FAM161A: variants seen among roughly 807,000 people sequenced by gnomAD.
FAM161A encodes FAM161 centrosomal protein A.
FAM161A carries 57 observed loss-of-function variants against 70.9 expected under a neutral mutation model. The observed-to-expected ratio is 0.80, with a 90% CI of 0.65 to 1.00. The LOEUF is 1.00. FAM161A is among the 50% of genes least tolerant of loss of function. The probability of loss-of-function intolerance (pLI) is 0.00; values close to 1 mark genes in which losing one functional copy is unlikely to be tolerated. For synonymous variants in FAM161A, 299 were observed against 295.7 expected, an observed-to-expected ratio of 1.01 and a Z score of -0.12; for missense variants, 880 against 836.0, an observed-to-expected ratio of 1.05 and a Z score of -0.65.
At chr2:61,835,385 A>G (rs995526841) in intron 5 of FAM161A, 6 of 152,260 alleles carry the variant, frequency 3.9e-5, no homozygotes, top group Admixed American at 1.3e-4. Flanking sequence ...ATCAGGGTCC[A>G]CTGTCCGTAA....
rs764617186 is a variant in FAM161A, at chr2:61,840,289, G to C, written c.715C>G (p.Pro239Ala). ...CTTATCATCATTTGAAAAGGCTCCG[G>C]TACTGTAATTGTGGGCACCCATTCT... ...RKEWVPTITV[P>A]EPFQMMIREQ... Residue 239 changes from proline (P) to alanine (A), a missense_variant, in exon 3 of 7, where the codon CCG becomes GCG. Coordinates refer to ENST00000404929, the MANE Select transcript of FAM161A (RefSeq NM_001201543.2). 1 of 1,614,016 alleles carries C rather than the reference G, an allele frequency of 6.2e-7. No homozygotes were observed. The highest frequency in any genetic ancestry group is 8.5e-7 in the Non-Finnish European group (1 of 1,180,018).
intron 5 of FAM161A, among the ~76,000 whole-genome samples, chr2:61,832,373 T>A (rs1180392262): frequency 6.6e-6 from 1 of 152,154 alleles, no homozygotes; most frequent in East Asian, 1.9e-4. Context: ...TTATGTCATT[T>A]TTCATTAGGT....
chr2:61,805,456 C>T, the FAM161A span, among the ~76,000 whole-genome samples: 4 of 152,160 alleles, frequency 2.6e-5, no homozygotes, highest in African/African-American at 9.7e-5. Context: ...ACGGAGATTG[C>T]AGTGAGCCAA....
intron 5 of FAM161A, among the ~76,000 whole-genome samples, chr2:61,828,397 C>A (rs532916544): frequency 6.6e-6 from 1 of 151,814 alleles, no homozygotes; most frequent in East Asian, 1.9e-4. Context: ...GGTGCAAACA[C>A]AACTCACTGC....
chr2:61,845,122 G>A (rs1160810963), intron 1 of FAM161A, among the ~76,000 whole-genome samples: 4 of 152,196 alleles, frequency 2.6e-5, no homozygotes, highest in Non-Finnish European at 4.4e-5. Flanking sequence ...CCTTGGTTAT[G>A]GACGAGGCTG....
rs1466207765 is a variant in FAM161A, at chr2:61,825,146, G to C, written c.*1309C>G. ...TCATCCTTTTAAAATGATGCTGATTGTTTTTAGAAAAGAAAATGTCTTATG... is the reference window on the plus strand; with the variant it reads ...TCATCCTTTTAAAATGATGCTGATTCTTTTTAGAAAAGAAAATGTCTTATG... On this transcript the variant is annotated 3_prime_UTR_variant, in exon 7 of 7. Transcript: ENST00000404929. 2.3e-6 allele frequency: 1 copy of C among 441,004 alleles called. No individual in the cohort carries two copies. Among genetic ancestry groups the C allele is most frequent in the African/African-American group, 2.0e-5 (1 of 49,230 alleles). 27.3% of individuals were successfully genotyped at this position (441,004 alleles called of 1,614,324 possible).
chr2:61,837,879 T>C (rs1050282289), intron 4 of FAM161A, among the ~76,000 whole-genome samples: 2 of 152,202 alleles, frequency 1.3e-5, no homozygotes, highest in Non-Finnish European at 1.5e-5. Flanking sequence ...AGAATACTCA[T>C]TGTAATTAAA....
chr2:61,813,236 G>C, the FAM161A span, among the ~76,000 whole-genome samples: 1 of 151,832 alleles, frequency 6.6e-6, no homozygotes, highest in Non-Finnish European at 1.5e-5. Context: ...AGGAGTTCAA[G>C]ACCAGCCTGG....
chr2:61,830,983 G>A (rs1672552598), intron 5 of FAM161A, among the ~76,000 whole-genome samples: 1 of 151,510 alleles, frequency 6.6e-6, no homozygotes, highest in African/African-American at 2.4e-5. Context: ...ATGGTGGCAC[G>A]CGCCTGTAAT....
intron 1 of FAM161A, among the ~76,000 whole-genome samples, chr2:61,842,658 C>T (rs1383632536): frequency 6.6e-6 from 1 of 152,162 alleles, no homozygotes; most frequent in African/African-American, 2.4e-5. Context: ...TAGGATAGAA[C>T]CCAACAACCC....
Position 61,836,062 on chromosome 2 carries a change from T to C in FAM161A, c.1799A>G (p.Glu600Gly), listed in dbSNP as rs1229459838. ...RMREYQRELE[E>G]REEKLKKRPL... is the part of the protein sequence containing the mutation. ...CCTCTTTTTTAATTTTTCTTCTCTT[T>C]CTTCTAGTTCTCGTTGGTATTCTCT... The change falls in exon 5 of 7, where the codon GAA (glutamate) becomes GGA (glycine). Residue 600 changes from glutamate (E) to glycine (G), a missense_variant. By Grantham distance (98) the Glu-to-Gly change is moderately conservative (BLOSUM62 -2). Coordinates refer to ENST00000404929, the MANE Select transcript of FAM161A (RefSeq NM_001201543.2). The C allele has an allele frequency of 1.2e-6, 2 of 1,611,890 alleles. No homozygotes were observed. Among genetic ancestry groups the C allele is most frequent in the Non-Finnish European group, 1.7e-6 (2 of 1,179,316 alleles).
chr2:61,841,251 C>T (rs893190566), intron 2 of FAM161A, among the ~76,000 whole-genome samples: 1 of 152,168 alleles, frequency 6.6e-6, no homozygotes, highest in African/African-American at 2.4e-5. Flanking sequence ...AGATTACAAG[C>T]CCTTCGAGAC....
chr2:61,842,288 G>C lies in FAM161A; in HGVS notation c.256C>G (p.Pro86Ala). 2 of 1,611,626 alleles carry C rather than the reference G, an allele frequency of 1.2e-6. No homozygotes were observed. Among genetic ancestry groups the C allele is most frequent in the Non-Finnish European group, 1.7e-6 (2 of 1,178,534 alleles). The change falls in exon 2 of 7, where the codon CCT becomes GCT. Residue 86 changes from proline (P) to alanine (A), a missense_variant. Transcript: ENST00000404929. ...PISYEDFVNF[P>A]DIHHSNEEYF... ...TCCTCATTAGAGTGGTGAATATCAG[G>C]AAAGTTCACAAAGTCCTCATAGCTT...
the FAM161A span, among the ~76,000 whole-genome samples, chr2:61,810,443 C>T: frequency 1.3e-5 from 2 of 149,948 alleles, no homozygotes; most frequent in African/African-American, 2.5e-5. Context: ...ATTTAGGTCC[C>T]CAGCACTTCC....
rs745574784 is a variant in FAM161A, at chr2:61,840,156, C to CG, written c.847dup (p.Arg283ProfsTer16). ...GACAGATGCAGGAACTGGATTGGCT[C>CG]GGAATTTCTTCTTATACTCTGGATC... On this transcript the variant is annotated frameshift_variant, in exon 3 of 7. Transcript: ENST00000404929. LOFTEE classifies it high-confidence loss of function. 1.2e-6 allele frequency: 2 copies of CG among 1,613,922 alleles called. No homozygotes were observed. Among genetic ancestry groups the CG allele is most frequent in the African/African-American group, 2.7e-5 (2 of 74,888 alleles).
At chr2:61,809,520 A>C in the FAM161A span, among the ~76,000 whole-genome samples, 48,702 of 151,980 alleles carry the variant, frequency 0.32, 8,090 homozygotes, top group African/African-American at 0.38. Context: ...ATGTCTATGG[A>C]AGAGCTTTGA....
At chr2:61,842,551 C>T (rs952108199) in intron 1 of FAM161A, among the ~76,000 whole-genome samples, 191 bp from the exon 2 acceptor site, 8 of 152,072 alleles carry the variant, frequency 5.3e-5, no homozygotes, top group South Asian at 4.1e-4. Flanking sequence ...ATTTTAAGAA[C>T]GAGAGGGAGC....
chr2:61,811,712 C>T, the FAM161A span, among the ~76,000 whole-genome samples: 716 of 151,996 alleles, frequency 4.7e-3, 6 homozygotes, highest in Middle Eastern at 0.017. Context: ...CACTATGTTG[C>T]CCAGGCTAGT....
At position 61,840,169 on chromosome 2, in the gene FAM161A, T is replaced by C. The variant is rs1477125215; in HGVS notation, c.835A>G (p.Lys279Glu). 7 of 1,614,068 alleles carry C rather than the reference T, an allele frequency of 4.3e-6. No homozygotes were observed. In the African/African-American group the frequency reaches 9.3e-5, roughly 22 times the overall value. The part of the protein sequence containing the change: ...LKKQEEDPEY[K>E]KKFRANPVPA... ...ACTGGATTGGCTCGGAATTTCTTCT[T>C]ATACTCTGGATCCTCTTCTTGTTTT... The change falls in exon 3 of 7, where the codon AAG becomes GAG. Residue 279 changes from lysine (K) to glutamate (E), a missense_variant. Coordinates refer to ENST00000404929, the MANE Select transcript of FAM161A (RefSeq NM_001201543.2).
Sources: allele counts gnomAD v4.1 joint callset (sites outside exome capture counted in the v4.1 genomes callset), GRCh38; gene constraint gnomAD v4.1.1; transcripts MANE v1.5; gene names NCBI Gene and HGNC (gene_info 2026-07-23, HGNC 2026-07-21).